The following STT3A variants were observed in gnomAD, a reference collection of about 807,000 sequenced individuals.
STT3A encodes STT3 oligosaccharyltransferase complex catalytic subunit A, also known as dolichyl-diphosphooligosaccharide--protein glycosyltransferase subunit STT3A.
STT3A carries 34 observed loss-of-function variants against 89.2 expected under a neutral mutation model. The observed-to-expected ratio is 0.38, with a 90% confidence interval of 0.29 to 0.51. STT3A has a LOEUF of 0.51. Ranked by LOEUF, STT3A falls within the 20% of genes least tolerant of loss-of-function variation. The probability of loss-of-function intolerance (pLI) is 0.89; values close to 1 mark genes in which losing one functional copy is unlikely to be tolerated. For missense variants in STT3A, 555 were observed against 889.5 expected, an observed-to-expected ratio of 0.62 and a Z score of 4.78; for synonymous variants, 282 against 310.3, an observed-to-expected ratio of 0.91 and a Z score of 0.96.
chr11:125,617,649 CAG>C (rs1252200295), intron 15 of STT3A, among the ~76,000 whole-genome samples: 1 of 152,182 alleles, frequency 6.6e-6, no homozygotes, highest in Admixed American at 6.5e-5. Context: ...GTGTTTGACA[CAG>C]AAATGTTGAC....
At position 125,602,244 on chromosome 11, in the gene STT3A, T is replaced by C. The variant is rs111800264; in HGVS notation, c.150-59T>C. On this transcript the variant is annotated intron_variant, in intron 3 of 17. Coordinates refer to ENST00000392708, the MANE Select transcript of STT3A (RefSeq NM_152713.5). Reference sequence around the variant, plus strand: ...TGAGTAATGCTGAATTTCTCAATGGTGTATCCTGAGGAGCAAAATTCACCA... The same window carrying C: ...TGAGTAATGCTGAATTTCTCAATGGCGTATCCTGAGGAGCAAAATTCACCA... The C allele has an allele frequency of 2.8e-5, 44 of 1,581,870 alleles. No individual in the cohort carries two copies. The African/African-American group carries it at 3.1e-4, about 11-fold the overall frequency.
At chr11:125,609,735 G>A in intron 10 of STT3A, 146 bp downstream of exon 10, 1 of 891,598 alleles carries the variant, frequency 1.1e-6, no homozygotes, top group Non-Finnish European at 1.6e-6. Flanking sequence ...ATTTTCTCAT[G>A]TATGAAGCTG....
chr11:125,598,176 C>A (rs1242620986), intron 3 of STT3A, among the ~76,000 whole-genome samples: 1 of 151,910 alleles, frequency 6.6e-6, no homozygotes, highest in Non-Finnish European at 1.5e-5. Context: ...CATGCCACTG[C>A]ACTCCTGCCT....
At chr11:125,601,706 G>T (rs1344320758) in intron 3 of STT3A, among the ~76,000 whole-genome samples, 1 of 152,072 alleles carries the variant, frequency 6.6e-6, no homozygotes, top group African/African-American at 2.4e-5. Context: ...TGAATTCTCT[G>T]ACTGGTCCTA....
chr11:125,611,863 ATTTTTTTTTT>A (rs59685125), intron 11 of STT3A, among the ~76,000 whole-genome samples: 34 of 56,932 alleles, frequency 6.0e-4, no homozygotes, highest in Admixed American at 3.4e-3. Flanking sequence ...AGGGATTTGA[ATTTTTTTTTT>A]TTTTTTTTTT....
rs747499490 is a variant in STT3A at position 125,597,055 on chromosome 11, G to T, written c.89-4G>T. The T allele has an allele frequency of 6.8e-6, 11 of 1,613,710 alleles. No homozygotes were observed. The highest frequency in any genetic ancestry group is 9.3e-6 in the Non-Finnish European group (11 of 1,179,898). On this transcript the variant is annotated splice_region_variant and splice_polypyrimidine_tract_variant and intron_variant, in intron 2 of 17. Coordinates refer to ENST00000392708, the MANE Select transcript of STT3A (RefSeq NM_152713.5). ...ATAAAATATTAACTCTCTGGTTTTT[G>T]CAGCCTTCTCCACTCGTCTGTTTGC...
chr11:125,610,903 C>G (rs1304628122), intron 10 of STT3A: 1 of 152,182 alleles, frequency 6.6e-6, no homozygotes, highest in African/African-American at 2.4e-5. Context: ...AGACCCCCAT[C>G]TCAAAAAAGG....
At chr11:125,620,354 C>G (rs1940312995) in intron 17 of STT3A, among the ~76,000 whole-genome samples, 2 of 152,154 alleles carry the variant, frequency 1.3e-5, no homozygotes, top group Admixed American at 1.3e-4. Flanking sequence ...GATACTTTTC[C>G]AGCTGGGGCT....
At chr11:125,592,348 A>C, upstream of STT3A, 2 of 455,072 alleles carry the variant, frequency 4.4e-6, no homozygotes, top group South Asian at 3.1e-5. Context: ...TTTGAGTTTT[A>C]ATTGAGAATA....
chr11:125,617,446 C>T (rs997665319), intron 15 of STT3A, among the ~76,000 whole-genome samples: 2 of 152,262 alleles, frequency 1.3e-5, no homozygotes, highest in Middle Eastern at 3.4e-3. Context: ...GATATCCCCT[C>T]GAACTCTTTG....
At position 125,614,200 on chromosome 11, in the gene STT3A, G is replaced by T. The variant is rs1347346435; in HGVS notation, c.1668G>T (p.Gly556=). The stretch of plus-strand genomic sequence containing the variant: ...ATAATACCCATATTTCTCGAGTAGG[G>T]CAGGTAAGATAAAGGGATGATCTTT... The part of the protein sequence containing the change: ...TWNNTHISRV[G]QAMASTEEKA... Residue 556 remains glycine (G), a synonymous_variant, in exon 14 of 18, where the codon GGG becomes GGT. Coordinates refer to ENST00000392708, the MANE Select transcript of STT3A (RefSeq NM_152713.5). This position sits in a 1 kb window ranked among gnomAD's most constrained non-coding sequence, Gnocchi z 4.9. The T allele has an allele frequency of 6.2e-7, 1 of 1,614,036 alleles. No individual in the cohort carries two copies. Among genetic ancestry groups the T allele is most frequent in the Non-Finnish European group, 8.5e-7 (1 of 1,179,938 alleles).
intron 7 of STT3A, 34 bp downstream of exon 7, chr11:125,605,769 T>C (rs1447918470): frequency 6.4e-7 from 1 of 1,556,446 alleles, no homozygotes; most frequent in Non-Finnish European, 8.9e-7. Flanking sequence ...ATTTTTAAAG[T>C]TCTCTAAATA....
rs898420709 is a variant in STT3A at position 125,621,408 on chromosome 11, G to A, written c.*598G>A. 2 of 152,124 alleles carry A rather than the reference G, an allele frequency of 1.3e-5. No individual in the cohort carries two copies. Among genetic ancestry groups the A allele is most frequent in the Admixed American group, 6.6e-5 (1 of 15,258 alleles). The allele number at this position is 152,124 out of a possible 1,614,324, so 9.4% of individuals were successfully genotyped here. On this transcript the variant is annotated 3_prime_UTR_variant, in exon 18 of 18. Coordinates refer to ENST00000392708, the MANE Select transcript of STT3A (RefSeq NM_152713.5). ...TTCTCAATGTCTTTTATCCTTAGAC[G>A]CTCTTTGACTTTATAAATCAGCAGT...
At position 125,596,999 on chromosome 11, in the gene STT3A, A is replaced by G. The variant is rs1360222562; in HGVS notation, c.89-60A>G. 5.2e-5 allele frequency: 81 copies of G among 1,542,882 alleles called. 1 individual carries two copies. Among genetic ancestry groups the G allele is most frequent in the East Asian group, 2.0e-4 (9 of 44,544 alleles). On this transcript the variant is annotated intron_variant, in intron 2 of 17. Transcript: ENST00000392708. Reference sequence around the variant, plus strand: ...ATAATACTGTCTTCATTATAATACTATATCTGCTGTTCTTTCATGGCACAT... The same window carrying G: ...ATAATACTGTCTTCATTATAATACTGTATCTGCTGTTCTTTCATGGCACAT...
At chr11:125,619,041 TTTTTG>T (rs996638641) in intron 16 of STT3A, among the ~76,000 whole-genome samples, 5 of 151,746 alleles carry the variant, frequency 3.3e-5, no homozygotes, top group Non-Finnish European at 7.4e-5. Context: ...GCTATTGTTA[TTTTTG>T]TTTTGTTTTG....
chr11:125,605,598 T>G, intron 6 of STT3A, 31 bp from the exon 7 acceptor site: 1 of 1,547,722 alleles, frequency 6.5e-7, no homozygotes, highest in Non-Finnish European at 8.9e-7. Flanking sequence ...GCCTGGCCTC[T>G]TGTTGAATTT....
chr11:125,595,247 C>T lies in STT3A; in HGVS notation c.-35-634C>T, dbSNP rs185925502. On this transcript the variant is annotated intron_variant, in intron 1 of 17. Coordinates refer to ENST00000392708, the MANE Select transcript of STT3A (RefSeq NM_152713.5). ...AGTGCAGTGGTGTGATCCTAGCTCA[C>T]TGCAGCCTCCAACTCCTGCCTCAGC... Among the ~76,000 whole-genome samples, 273 of 151,494 alleles carry T rather than the reference C, an allele frequency of 1.8e-3. 1 individual carries two copies. Among genetic ancestry groups the T allele is most frequent in the South Asian group, 0.01 (49 of 4,784 alleles).
rs370378297 is a variant in STT3A, at chr11:125,608,112, G to A, written c.784G>A (p.Val262Ile). The change falls in exon 9 of 18, where the codon GTC becomes ATC. Residue 262 changes from valine (V) to isoleucine (I), a missense_variant. This residue lies in a region of STT3A where 149 missense variants were observed against 206.2 expected (regional missense o/e 0.72). Coordinates refer to ENST00000392708, the MANE Select transcript of STT3A (RefSeq NM_152713.5). ...ATACATATCCTTTTACCTACAGCCT[G>A]TCCTTTCATCAGAGCACATGGCAGC... ...MQISFVGFQP[V>I]LSSEHMAAFG... The A allele has an allele frequency of 3.7e-6, 6 of 1,603,108 alleles. No homozygotes were observed. In the African/African-American group the frequency reaches 8.1e-5, roughly 22 times the overall value.
In STT3A at chr11:125,622,205, G is replaced by C. The variant is rs1308101537; in HGVS notation, c.*1395G>C. On this transcript the variant is annotated 3_prime_UTR_variant, in exon 18 of 18. Transcript: ENST00000392708. ...GAGGAATTGCATAACTTTTAGATTA[G>C]TCATAGTGGTGCTCCTAAGGGATAT... 9.9e-5 allele frequency: 15 copies of C among 152,166 alleles called. No individual in the cohort carries two copies. Among genetic ancestry groups the C allele is most frequent in the Non-Finnish European group, 2.2e-4 (15 of 68,032 alleles). The allele number at this position is 152,166 out of a possible 1,614,324, so 9.4% of individuals were successfully genotyped here.
Sources: allele counts gnomAD v4.1 joint callset (sites outside exome capture counted in the v4.1 genomes callset), GRCh38; gene constraint gnomAD v4.1.1; regional missense constraint gnomAD v4.1.1; non-coding constraint Gnocchi (gnomAD v3.1); transcripts MANE v1.5; gene names NCBI Gene and HGNC (gene_info 2026-07-23, HGNC 2026-07-21).